Variants in MRTFA observed in about 807,000 individuals in gnomAD.
MRTFA encodes the protein myocardin-related transcription factor A.
In MRTFA, 20 loss-of-function variants were observed where a neutral mutation model predicts 83.5. That is an observed-to-expected ratio of 0.24 (90% CI 0.17 to 0.35). The LOEUF (loss-of-function observed/expected upper bound fraction) is 0.35, where lower values mean the gene tolerates loss of function less well. MRTFA is among the 10% of genes least tolerant of loss of function. MRTFA has a pLI of 1.00. For missense variants in MRTFA, 1,200 were observed against 1,224.7 expected (o/e 0.98, Z 0.30); for synonymous variants, 659 against 541.2 (o/e 1.22, Z -3.02).
At chr22:40,414,572 G>A (rs935374252) in intron 14 of MRTFA, among the ~76,000 whole-genome samples, 2 of 152,186 alleles carry the variant, frequency 1.3e-5, no homozygotes, top group Non-Finnish European at 2.9e-5. Context: ...GACACATGCT[G>A]CAACACAGAT....
intron 3 of MRTFA, among the ~76,000 whole-genome samples, chr22:40,495,893 C>T (rs2054345960): frequency 1.3e-5 from 2 of 151,250 alleles, no homozygotes; most frequent in Admixed American, 6.6e-5. Context: ...TGGTGAAACT[C>T]GGTCTCTACT....
intron 2 of MRTFA, among the ~76,000 whole-genome samples, chr22:40,574,102 T>A (rs537610063): frequency 2.1e-4 from 32 of 152,216 alleles, no homozygotes; most frequent in Non-Finnish European, 4.3e-4. Flanking sequence ...TTCCTGTGAG[T>A]GCATGGTGGT....
intron 2 of MRTFA, among the ~76,000 whole-genome samples, chr22:40,583,511 A>G (rs1232652709): frequency 6.6e-6 from 1 of 152,232 alleles, no homozygotes; most frequent in Admixed American, 6.5e-5. Context: ...AGTAAAGCAG[A>G]ATCAAAAGAC....
chr22:40,470,329 T>C (rs1032723136), intron 3 of MRTFA, among the ~76,000 whole-genome samples: 2 of 136,906 alleles, frequency 1.5e-5, no homozygotes, highest in Non-Finnish European at 3.1e-5. Context: ...TTCATAAATA[T>C]GCAGAAATTA....
intron 7 of MRTFA, among the ~76,000 whole-genome samples, chr22:40,427,095 C>T (rs2052969683): frequency 6.6e-6 from 1 of 152,210 alleles, no homozygotes; most frequent in African/African-American, 2.4e-5. Flanking sequence ...ATCTTTGTGA[C>T]ATCAGGACTT....
intron 1 of MRTFA, among the ~76,000 whole-genome samples, chr22:40,598,826 T>TAA (rs34817595): frequency 6.6e-5 from 9 of 136,864 alleles, no homozygotes; most frequent in African/African-American, 1.9e-4. Flanking sequence ...GTCGCTACTT[T>TAA]AAAAAAAAAA....
At chr22:40,564,076 A>G (rs1003404199) in intron 2 of MRTFA, among the ~76,000 whole-genome samples, 3 of 152,248 alleles carry the variant, frequency 2.0e-5, no homozygotes, top group African/African-American at 7.2e-5. Context: ...GAATGAAGAC[A>G]GGATTTATAT....
intron 3 of MRTFA, among the ~76,000 whole-genome samples, chr22:40,533,275 T>C (rs564597174): frequency 6.6e-6 from 1 of 152,352 alleles, no homozygotes; most frequent in Non-Finnish European, 1.5e-5. Context: ...GCAATTTAAT[T>C]GTCTTTCATT....
intron 2 of MRTFA, among the ~76,000 whole-genome samples, chr22:40,559,833 T>C (rs2055587735): frequency 6.6e-6 from 1 of 152,220 alleles, no homozygotes; most frequent in South Asian, 2.1e-4. Context: ...TGCCTACTAC[T>C]AACCAGAATA....
In MRTFA at chr22:40,601,021, G is replaced by A. The variant is rs185107725; in HGVS notation, c.-83-6286C>T. ...AACAAAAAAACTACAATCTCAAACT[G>A]TCCACTTATAAGAAGAGTTTCAAAC... On this transcript the variant is annotated intron_variant, in intron 1 of 14. Transcript: ENST00000355630. Among the ~76,000 whole-genome samples the A allele has an allele frequency of 3.1e-3, 464 of 152,108 alleles. 4 individuals are homozygous for A. Among genetic ancestry groups the A allele is most frequent in the Non-Finnish European group, 3.0e-3 (203 of 67,986 alleles).
intron 5 of MRTFA, among the ~76,000 whole-genome samples, chr22:40,435,155 C>T (rs1602237027): frequency 6.6e-6 from 1 of 152,260 alleles, no homozygotes. Context: ...ATCTACAAAA[C>T]GTTAAGTGGA....
chr22:40,464,492 G>C (rs1197287655), intron 3 of MRTFA, among the ~76,000 whole-genome samples: 2 of 149,480 alleles, frequency 1.3e-5, no homozygotes, highest in Non-Finnish European at 3.0e-5. Context: ...CTGGGCAACA[G>C]AGCAAGACCC....
intron 3 of MRTFA, among the ~76,000 whole-genome samples, chr22:40,478,048 T>C (rs531912902): frequency 2.0e-5 from 3 of 152,150 alleles, no homozygotes; most frequent in East Asian, 1.9e-4. Context: ...AATACCAAAA[T>C]AGTTGTTAAA....
At chr22:40,617,184 A>AGGGAG (rs2056460718) in intron 1 of MRTFA, among the ~76,000 whole-genome samples, 3 of 55,532 alleles carry the variant, frequency 5.4e-5, no homozygotes, top group African/African-American at 7.9e-5. Flanking sequence ...GAAGGAGGGA[A>AGGGAG]GGAGGGAGGG....
At chr22:40,578,360 T>C (rs999615585) in intron 2 of MRTFA, among the ~76,000 whole-genome samples, 1 of 151,994 alleles carries the variant, frequency 6.6e-6, no homozygotes, top group Non-Finnish European at 1.5e-5. Context: ...ATCTAAAATA[T>C]AAAAAAACTC....
chr22:40,626,559 C>T (rs977014080), intron 1 of MRTFA, among the ~76,000 whole-genome samples: 1 of 152,118 alleles, frequency 6.6e-6, no homozygotes, highest in African/African-American at 2.4e-5. Context: ...GAATTACAGG[C>T]GTGAGCCACC....
At chr22:40,457,732 C>T (rs1192874061) in intron 4 of MRTFA, among the ~76,000 whole-genome samples, 1 of 152,142 alleles carries the variant, frequency 6.6e-6, no homozygotes, top group Non-Finnish European at 1.5e-5. Flanking sequence ...CTACTACTGG[C>T]ACATGGGAAA....
At chr22:40,519,555 C>G (rs2054825420) in intron 3 of MRTFA, 1 of 1,349,724 alleles carries the variant, frequency 7.4e-7, no homozygotes, top group Non-Finnish European at 9.8e-7. Flanking sequence ...CAAAGCACTC[C>G]AAAGTGGAGG....
chr22:40,495,169 T>C (rs1325862053), intron 3 of MRTFA, among the ~76,000 whole-genome samples: 2 of 146,242 alleles, frequency 1.4e-5, no homozygotes, highest in Admixed American at 6.8e-5. Context: ...AGCCCAGGAG[T>C]TCAAGACCAG....
Sources: allele counts gnomAD v4.1 joint callset (sites outside exome capture counted in the v4.1 genomes callset), GRCh38; gene constraint gnomAD v4.1.1; transcripts MANE v1.5; gene names NCBI Gene and HGNC (gene_info 2026-07-23, HGNC 2026-07-21).